MALRD1: variants seen among roughly 807,000 people sequenced by gnomAD.
MALRD1 encodes the protein MAM and LDL-receptor class A domain-containing protein 1.
In MALRD1, 247 loss-of-function variants were observed where a neutral mutation model predicts 242.1. The ratio of observed to expected loss-of-function variants is 1.02; its 90% CI spans 0.92 to 1.13. The LOEUF is 1.13. MALRD1 is among the 50% of genes most tolerant of loss of function. The pLI, the probability that MALRD1 is intolerant of heterozygous loss-of-function variation, is 0.00. For synonymous variants in MALRD1, 995 were observed against 866.6 expected (o/e 1.15, Z -2.60); for missense variants, 2,989 against 2,533.1 (o/e 1.18, Z -3.86).
intron 29 of MALRD1, among the ~76,000 whole-genome samples, chr10:19,473,103 T>C (rs1836574615): frequency 2.4e-5 from 2 of 82,002 alleles, no homozygotes; most frequent in African/African-American, 9.1e-5. Flanking sequence ...TGTGAAAGCT[T>C]GTTCATAACC....
Position 19,498,510 on chromosome 10 carries a change from C to T in MALRD1, c.5184C>T (p.Ser1728=), listed in dbSNP as rs578150983. Residue 1728 remains serine, a synonymous_variant, in exon 31 of 40, where the codon AGC becomes AGT. Transcript: ENST00000454679. ...HCAHYTSTTG[S]CNFETSSGNW... is the part of the protein sequence containing the mutation. Reference sequence around the variant, plus strand: ...CACATTATACAAGCACAACAGGAAGCTGCAATTTTGAAACAAGTTCAGGAA... The same window carrying T: ...CACATTATACAAGCACAACAGGAAGTTGCAATTTTGAAACAAGTTCAGGAA... 215 of 1,550,246 alleles carry T rather than the reference C, an allele frequency of 1.4e-4. No homozygotes were observed. The African/African-American group carries it at 2.5e-3, about 18-fold the overall frequency.
At chr10:19,531,490 C>T (rs1834415836) in intron 32 of MALRD1, 139 bp downstream of exon 32, 1 of 852,228 alleles carries the variant, frequency 1.2e-6, no homozygotes, top group African/African-American at 1.7e-5. Context: ...CTTTCTGGGG[C>T]AGTGGGACTT....
At chr10:19,471,612 ATTT>A (rs34751709) in intron 29 of MALRD1, among the ~76,000 whole-genome samples, 5 of 127,268 alleles carry the variant, frequency 3.9e-5, no homozygotes, top group Admixed American at 7.8e-5. Flanking sequence ...TTTTCTCAGG[ATTT>A]TTTTTTTTTT....
chr10:19,343,953 A>G (rs932031919), intron 24 of MALRD1, among the ~76,000 whole-genome samples: 1 of 152,084 alleles, frequency 6.6e-6, no homozygotes, highest in African/African-American at 2.4e-5. Flanking sequence ...GCTTGTTTAT[A>G]ATCCATATAT....
At chr10:19,598,028 T>C (rs1180574035) in intron 34 of MALRD1, among the ~76,000 whole-genome samples, 1 of 152,144 alleles carries the variant, frequency 6.6e-6, no homozygotes, top group East Asian at 1.9e-4. Context: ...AGGACCCAGA[T>C]CTTGCAGAAT....
upstream of MALRD1, chr10:19,048,677 C>G (rs982848595): frequency 2.2e-5 from 6 of 278,746 alleles, no homozygotes; most frequent in Non-Finnish European, 4.0e-5. Flanking sequence ...GTAAATATGG[C>G]ATACAGGGGG....
At chr10:19,217,723 G>A (rs558476265) in intron 18 of MALRD1, among the ~76,000 whole-genome samples, 1 of 151,920 alleles carries the variant, frequency 6.6e-6, no homozygotes, top group Admixed American at 6.6e-5. Flanking sequence ...GACGGATTTC[G>A]CTATGTTGGC....
At chr10:19,595,117 G>A in intron 33 of MALRD1, 77 bp from the exon 34 acceptor site, 1 of 1,346,100 alleles carries the variant, frequency 7.4e-7, no homozygotes, top group African/African-American at 1.5e-5. Flanking sequence ...AATAAGAAAT[G>A]CAACCTGTAA....
At chr10:19,227,910 T>C (rs896459665) in intron 18 of MALRD1, among the ~76,000 whole-genome samples, 1 of 152,086 alleles carries the variant, frequency 6.6e-6, no homozygotes, top group Non-Finnish European at 1.5e-5. Context: ...TAAAACCACA[T>C]TGAGATACCA....
chr10:19,295,414 G>T (rs1841648217), intron 21 of MALRD1, among the ~76,000 whole-genome samples: 1 of 151,320 alleles, frequency 6.6e-6, no homozygotes, highest in Non-Finnish European at 1.5e-5. Context: ...TATGTCTTTG[G>T]TACTAATGAA....
At chr10:19,701,436 C>G (rs971590655) in intron 38 of MALRD1, among the ~76,000 whole-genome samples, 2 of 152,222 alleles carry the variant, frequency 1.3e-5, no homozygotes, top group African/African-American at 4.8e-5. Context: ...GGAAGGTGTA[C>G]CAGCCTGCTG....
intron 38 of MALRD1, among the ~76,000 whole-genome samples, chr10:19,728,213 T>C (rs934020304): frequency 6.6e-6 from 1 of 152,200 alleles, no homozygotes; most frequent in Non-Finnish European, 1.5e-5. Context: ...AACCCTTTCT[T>C]CTTTTATTAC....
intron 13 of MALRD1, among the ~76,000 whole-genome samples, chr10:19,173,304 A>C (rs1187858035): frequency 6.6e-6 from 1 of 151,936 alleles, no homozygotes; most frequent in Non-Finnish European, 1.5e-5. Context: ...ACACATGGCG[A>C]TAGATATTAT....
chr10:19,232,191 A>C (rs1838110105), intron 18 of MALRD1, among the ~76,000 whole-genome samples: 1 of 151,846 alleles, frequency 6.6e-6, no homozygotes, highest in South Asian at 2.1e-4. Flanking sequence ...TGACTCTAGA[A>C]TTTTTTTGTT....
At chr10:19,482,305 A>T (rs1837029363) in intron 29 of MALRD1, among the ~76,000 whole-genome samples, 2 of 152,060 alleles carry the variant, frequency 1.3e-5, no homozygotes, top group Admixed American at 6.6e-5. Context: ...AAACTGTCCA[A>T]AGATAATTTA....
Position 19,287,536 on chromosome 10 carries a change from GTTTTC to G in MALRD1, c.3419+4358_3419+4362del, listed in dbSNP as rs988459338. Among the ~76,000 whole-genome samples the G allele has an allele frequency of 5.9e-5, 9 of 152,050 alleles. No homozygotes were observed. The South Asian group carries it at 1.9e-3, about 32-fold the overall frequency. ...TTATATTTTTATGTGAAAATTAATA[GTTTTC>G]TTATCTTTTTTTCTGTAGATGTTTT... On this transcript the variant is annotated intron_variant, in intron 21 of 39. Transcript: ENST00000454679.
At chr10:19,522,732 G>A (rs779498961) in intron 31 of MALRD1, among the ~76,000 whole-genome samples, 4 of 152,138 alleles carry the variant, frequency 2.6e-5, no homozygotes, top group Non-Finnish European at 5.9e-5. Flanking sequence ...TGATAAATAT[G>A]AGACATAGTA....
intron 8 of MALRD1, among the ~76,000 whole-genome samples, chr10:19,129,183 T>C (rs952595482): frequency 2.6e-5 from 4 of 152,068 alleles, no homozygotes; most frequent in Non-Finnish European, 5.9e-5. Flanking sequence ...AGACTACCCC[T>C]ACTTCAGATG....
intron 36 of MALRD1, among the ~76,000 whole-genome samples, chr10:19,621,882 C>T (rs772063138): frequency 6.6e-6 from 1 of 151,668 alleles, no homozygotes; most frequent in Non-Finnish European, 1.5e-5. Flanking sequence ...TGGCATTAGA[C>T]TTCTGAAAAC....
Sources: allele counts gnomAD v4.1 joint callset (sites outside exome capture counted in the v4.1 genomes callset), GRCh38; gene constraint gnomAD v4.1.1; transcripts MANE v1.5; gene names NCBI Gene and HGNC (gene_info 2026-07-23, HGNC 2026-07-21).